The following TADA2A variants were observed in gnomAD, a reference collection of about 807,000 sequenced individuals.
TADA2A encodes transcriptional adapter 2-alpha.
In TADA2A, 38 loss-of-function variants were observed where a neutral mutation model predicts 67.4. The observed-to-expected ratio is 0.56, with a 90% CI of 0.44 to 0.74. The LOEUF (loss-of-function observed/expected upper bound fraction) is 0.74, where lower values mean the gene tolerates loss of function less well. Ranked by LOEUF, TADA2A falls within the 30% of genes least tolerant of loss-of-function variation. The probability of loss-of-function intolerance (pLI) is 0.00; values close to 1 mark genes in which losing one functional copy is unlikely to be tolerated. For missense variants in TADA2A, 454 were observed against 547.0 expected (o/e 0.83, Z 1.70); for synonymous variants, 192 against 181.6 (o/e 1.06, Z -0.46).
intron 9 of TADA2A, among the ~76,000 whole-genome samples, chr17:37,459,764 A>G (rs1287582317): frequency 3.3e-5 from 5 of 151,546 alleles, no homozygotes; most frequent in South Asian, 2.1e-4. Context: ...GGCTAATTTT[A>G]AAACCTTTTT....
rs1263583337 is a variant in TADA2A at position 37,458,500 on chromosome 17, G to A, written c.605-24G>A. ...AATATATATATGATATGTATATATAGTATATGTATGAATTTATTTGTAGCT... is the reference window on the plus strand; with the variant it reads ...AATATATATATGATATGTATATATAATATATGTATGAATTTATTTGTAGCT... On this transcript the variant is annotated intron_variant, in intron 8 of 15. Coordinates refer to ENST00000615182, the MANE Select transcript of TADA2A (RefSeq NM_001166105.3). 15 of 1,534,798 alleles carry A rather than the reference G, an allele frequency of 9.8e-6. 1 individual carries two copies. Among genetic ancestry groups the A allele is most frequent in the Non-Finnish European group, 1.3e-5 (15 of 1,112,682 alleles).
intron 11 of TADA2A, 66 bp from the exon 12 acceptor site, chr17:37,467,388 A>G: frequency 7.4e-7 from 1 of 1,356,072 alleles, no homozygotes. Context: ...GCTCAATAGC[A>G]AAAGTGCTCA....
At chr17:37,455,367 TGTTTG>T (rs774830697) in intron 8 of TADA2A, among the ~76,000 whole-genome samples, 42 of 145,052 alleles carry the variant, frequency 2.9e-4, no homozygotes, top group African/African-American at 9.9e-4. Context: ...TTTGTTTTTT[TGTTTG>T]TTTGTTTGTT....
chr17:37,478,916 C>T lies in TADA2A; in HGVS notation c.*1934C>T, dbSNP rs2522972. On this transcript the variant is annotated 3_prime_UTR_variant, in exon 16 of 16. Transcript: ENST00000615182. ...TTTAAAAAGAATGACGTGGAAATGA[C>T]CTGTTTTCCTTGTAAAATCATATCT... is the stretch of plus-strand genomic sequence containing the variant. 0.73 allele frequency: 110,367 copies of T among 152,086 alleles called. 40,674 individuals carry two copies. Among genetic ancestry groups the T allele is most frequent in the East Asian group, 0.97 (5,012 of 5,184 alleles). The allele number at this position is 152,086 out of a possible 1,614,324, so 9.4% of individuals were successfully genotyped here. A position where few individuals can be genotyped will look rare whatever the true frequency, so the allele number is the denominator to read the frequency against.
At chr17:37,413,723 A>AG (rs1568128044) in intron 2 of TADA2A, among the ~76,000 whole-genome samples, 1 of 151,774 alleles carries the variant, frequency 6.6e-6, no homozygotes. Flanking sequence ...AATCTTTACT[A>AG]TTAAGGTTGC....
intron 2 of TADA2A, among the ~76,000 whole-genome samples, chr17:37,414,894 CTCT>C (rs1307884971): frequency 4.6e-4 from 33 of 72,282 alleles, no homozygotes; most frequent in Non-Finnish European, 8.3e-4. Context: ...TTTTTCTTTT[CTCT>C]TTTTTTTTTT....
intron 8 of TADA2A, among the ~76,000 whole-genome samples, chr17:37,458,154 G>A (rs373899975): frequency 1.1e-4 from 16 of 152,092 alleles, no homozygotes; most frequent in African/African-American, 3.4e-4. Flanking sequence ...TTTAGCTCCC[G>A]CTTATAAGTG....
intron 3 of TADA2A, among the ~76,000 whole-genome samples, chr17:37,425,790 A>G (rs1380602494): frequency 6.7e-6 from 1 of 148,770 alleles, no homozygotes; most frequent in Non-Finnish European, 1.5e-5. Context: ...CTGGGACTAC[A>G]TGCTTGTGCC....
In TADA2A at chr17:37,477,084, CATGGTGAAAACAGGGGA is replaced by C; in HGVS notation, c.*104_*120del. The C allele has an allele frequency of 8.1e-7, 1 of 1,233,720 alleles. No individual in the cohort carries two copies. The highest frequency in any genetic ancestry group is 2.3e-5 in the Admixed American group (1 of 43,892). The allele number at this position is 1,233,720 out of a possible 1,614,324, so 76.4% of individuals were successfully genotyped here. On this transcript the variant is annotated 3_prime_UTR_variant, in exon 16 of 16. Transcript: ENST00000615182. Reference sequence around the variant, plus strand: ...GAGAGTTGTTTTTCAGCTGAATTCTCATGGTGAAAACAGGGGAAAGGACAAAGGAAACCTTAAGTTGT... The same window carrying C: ...GAGAGTTGTTTTTCAGCTGAATTCTCAAGGACAAAGGAAACCTTAAGTTGT...
rs558367157 is a variant in TADA2A at position 37,417,427 on chromosome 17, C to T, written c.25+6037C>T. Among the ~76,000 whole-genome samples, 284 of 151,804 alleles carry T rather than the reference C, an allele frequency of 1.9e-3. 1 individual carries two copies. Among genetic ancestry groups the T allele is most frequent in the Non-Finnish European group, 3.0e-3 (204 of 67,924 alleles). On this transcript the variant is annotated intron_variant, in intron 2 of 15. Transcript: ENST00000615182. ...TGGCATGCACCTGTAGTCCCAGATA[C>T]TAGGGAGGCTGAGGTGGGAGGATCA...
At chr17:37,426,753 A>G in intron 3 of TADA2A, 197 bp from the exon 4 acceptor site, 1 of 465,810 alleles carries the variant, frequency 2.1e-6, no homozygotes. Context: ...ACTGAGGTAC[A>G]AGGATCCCTT....
At chr17:37,470,738 T>C (rs917839564) in intron 13 of TADA2A, among the ~76,000 whole-genome samples, 1 of 152,112 alleles carries the variant, frequency 6.6e-6, no homozygotes, top group Non-Finnish European at 1.5e-5. Flanking sequence ...TTTACTACTT[T>C]GATCCTATTT....
In TADA2A at chr17:37,456,353, A is replaced by C. The variant is rs558294046; in HGVS notation, c.605-2171A>C. ...ACATTGTGCTTTAAAATATTTTTCA[A>C]GTACCATTTGGAAGAGGTGAGTTAC... On this transcript the variant is annotated intron_variant, in intron 8 of 15. Transcript: ENST00000615182. Among the ~76,000 whole-genome samples, 15 of 152,386 alleles carry C rather than the reference A, an allele frequency of 9.8e-5. No individual in the cohort carries two copies. The East Asian group carries it at 2.9e-3, about 29-fold the overall frequency.
intron 2 of TADA2A, among the ~76,000 whole-genome samples, chr17:37,415,606 G>T (rs1430303266): frequency 6.6e-6 from 1 of 151,100 alleles, no homozygotes. Flanking sequence ...CCGGCTGGGC[G>T]CGGTGGCTCA....
intron 9 of TADA2A, among the ~76,000 whole-genome samples, chr17:37,461,506 T>A (rs1478920099): frequency 6.6e-6 from 1 of 152,240 alleles, no homozygotes; most frequent in African/African-American, 2.4e-5. Flanking sequence ...TTAAATTCTC[T>A]TTTGCTTAAA....
At chr17:37,413,280 A>G (rs188231668) in intron 2 of TADA2A, among the ~76,000 whole-genome samples, 2 of 152,282 alleles carry the variant, frequency 1.3e-5, no homozygotes, top group East Asian at 3.9e-4. Context: ...CACACTCCTA[A>G]TATAAATTTA....
chr17:37,474,689 C>A, intron 15 of TADA2A, 60 bp downstream of exon 15: 1 of 1,530,078 alleles, frequency 6.5e-7, no homozygotes, highest in South Asian at 1.2e-5. Flanking sequence ...ATTGAGTTGT[C>A]ATTAAAAATC....
rs2052445732 is a variant in TADA2A at position 37,427,572 on chromosome 17, A to G, written c.192+563A>G. On this transcript the variant is annotated intron_variant, in intron 4 of 15. Transcript: ENST00000615182. ...AGCTTAATTGTAATGCCACACTTAA[A>G]GAAGGAATAAGAGTGTTCGTAGTGT... Among the ~76,000 whole-genome samples, 3 of 152,228 alleles carry G rather than the reference A, an allele frequency of 2.0e-5. No individual in the cohort carries two copies. The South Asian group carries it at 6.2e-4, about 31-fold the overall frequency.
At chr17:37,456,995 T>C (rs969335716) in intron 8 of TADA2A, among the ~76,000 whole-genome samples, 1 of 152,082 alleles carries the variant, frequency 6.6e-6, no homozygotes, top group African/African-American at 2.4e-5. Flanking sequence ...GCTTTTACAC[T>C]GGTTAGGATA....
Sources: allele counts gnomAD v4.1 joint callset (sites outside exome capture counted in the v4.1 genomes callset), GRCh38; gene constraint gnomAD v4.1.1; transcripts MANE v1.5; gene names NCBI Gene and HGNC (gene_info 2026-07-23, HGNC 2026-07-21).